The following DLGAP4 variants were observed in gnomAD, a reference collection of about 807,000 sequenced individuals.
DLGAP4 encodes DLG associated protein 4.
Under a neutral mutation model 86.9 loss-of-function variants are expected in DLGAP4, and 18 were observed. The observed-to-expected ratio is 0.21, with a 90% confidence interval of 0.14 to 0.31. The LOEUF is 0.31. DLGAP4 is among the 10% of genes least tolerant of loss of function. DLGAP4 has a pLI of 1.00. For synonymous variants in DLGAP4, 548 were observed against 574.3 expected (o/e 0.95, Z 0.65); for missense variants, 1,085 against 1,362.6 (o/e 0.80, Z 3.21).
At chr20:36,356,260 C>T (rs2147395992) in intron 1 of DLGAP4, among the ~76,000 whole-genome samples, 1 of 152,326 alleles carries the variant, frequency 6.6e-6, no homozygotes, top group African/African-American at 2.4e-5. Context: ...AATCAATTCA[C>T]TTTATCGTTA....
chr20:36,311,520 G>T (rs1027940175), intron 1 of DLGAP4, among the ~76,000 whole-genome samples: 25 of 152,144 alleles, frequency 1.6e-4, no homozygotes, highest in Non-Finnish European at 2.9e-4. Flanking sequence ...CCCTACTGAT[G>T]TTGACGATGA....
At chr20:36,422,240 C>T (rs1283314710) in intron 2 of DLGAP4, among the ~76,000 whole-genome samples, 2 of 152,186 alleles carry the variant, frequency 1.3e-5, no homozygotes, top group East Asian at 3.9e-4. Context: ...TGTACACCCC[C>T]AGAATGTTCG....
intron 1 of DLGAP4, among the ~76,000 whole-genome samples, chr20:36,362,417 G>A (rs886354316): frequency 2.6e-5 from 4 of 152,206 alleles, no homozygotes; most frequent in Non-Finnish European, 2.9e-5. Context: ...GGTCTCCAGG[G>A]AAGGTCACAG....
At chr20:36,464,579 C>T (rs1006829586) in intron 7 of DLGAP4, among the ~76,000 whole-genome samples, 3 of 151,782 alleles carry the variant, frequency 2.0e-5, no homozygotes, top group Admixed American at 1.3e-4. Context: ...ACCGGGCGCG[C>T]TGGCTCACGC....
At position 36,350,270 on chromosome 20, in the gene DLGAP4, T is replaced by C. The variant is rs1460028982; in HGVS notation, c.-303-16775T>C. Among the ~76,000 whole-genome samples the C allele has an allele frequency of 6.6e-6, 1 of 152,186 alleles. No homozygotes were observed. The highest frequency in any genetic ancestry group is 1.9e-4 in the East Asian group (1 of 5,198). On this transcript the variant is annotated intron_variant, in intron 1 of 12. Transcript: ENST00000339266. This position sits in a 1 kb window ranked among gnomAD's most constrained non-coding sequence, Gnocchi z 4.4. ...TCTTTGTGTGCTAGAGACAGTTTCC[T>C]TGTGGATATAGGGTAGCGGATGAGT...
chr20:36,466,199 A>G (rs2034344799), intron 7 of DLGAP4, among the ~76,000 whole-genome samples: 1 of 152,184 alleles, frequency 6.6e-6, no homozygotes, highest in South Asian at 2.1e-4. Context: ...GGAAAAGCTG[A>G]ACTGAGAGGA....
At chr20:36,437,967 G>A (rs2033334814) in intron 4 of DLGAP4, among the ~76,000 whole-genome samples, 1 of 152,186 alleles carries the variant, frequency 6.6e-6, no homozygotes, top group African/African-American at 2.4e-5. Context: ...GAGTGCAATA[G>A]TGCAATCATG....
chr20:36,499,219 T>C, intron 8 of DLGAP4: 1 of 1,596,220 alleles, frequency 6.3e-7, no homozygotes, highest in Non-Finnish European at 8.5e-7. Flanking sequence ...CCTTTTTTTT[T>C]TTTCTCTCTG....
intron 1 of DLGAP4, among the ~76,000 whole-genome samples, chr20:36,323,969 C>T (rs575013226): frequency 1.3e-5 from 2 of 152,326 alleles, no homozygotes; most frequent in East Asian, 3.9e-4. Flanking sequence ...GTCCATGGCC[C>T]AGGAATTGGG....
chr20:36,447,381 T>G (rs2033621027), intron 7 of DLGAP4, among the ~76,000 whole-genome samples: 1 of 152,196 alleles, frequency 6.6e-6, no homozygotes, highest in African/African-American at 2.4e-5. Flanking sequence ...TTTTACAGGC[T>G]TCTCTCATAT....
intron 1 of DLGAP4, among the ~76,000 whole-genome samples, chr20:36,349,350 G>A (rs923599003): frequency 4.6e-5 from 7 of 151,318 alleles, no homozygotes; most frequent in Middle Eastern, 3.2e-3. Context: ...CCCGGGAGGC[G>A]GAGCTTGCAG....
chr20:36,473,848 A>T (rs745990945), intron 7 of DLGAP4, among the ~76,000 whole-genome samples: 1 of 152,180 alleles, frequency 6.6e-6, no homozygotes, highest in African/African-American at 2.4e-5. Flanking sequence ...CCTACTGAGC[A>T]TACAGTAGGT....
At chr20:36,341,474 T>A (rs1344536112) in intron 1 of DLGAP4, among the ~76,000 whole-genome samples, 11 of 152,224 alleles carry the variant, frequency 7.2e-5, no homozygotes, top group African/African-American at 2.7e-4. Context: ...CTCACTGATA[T>A]GCACCGTGTG....
intron 2 of DLGAP4, among the ~76,000 whole-genome samples, chr20:36,427,093 A>C (rs1308025820): frequency 6.6e-6 from 1 of 151,990 alleles, no homozygotes; most frequent in Admixed American, 6.6e-5. Context: ...CTGATGTGGG[A>C]GGACATTTGA....
intron 10 of DLGAP4, among the ~76,000 whole-genome samples, chr20:36,503,581 A>C (rs1004249412): frequency 7.2e-6 from 1 of 137,938 alleles, no homozygotes; most frequent in Non-Finnish European, 1.5e-5. Context: ...TCCGCCTCCT[A>C]GGTTCACGCC....
intron 1 of DLGAP4, among the ~76,000 whole-genome samples, chr20:36,336,750 T>C (rs1882110664): frequency 1.3e-5 from 2 of 152,124 alleles, no homozygotes; most frequent in African/African-American, 4.8e-5. Context: ...TCCTCTGGTT[T>C]CCTTGGCTGC....
In DLGAP4 at chr20:36,500,137, T is replaced by C; in HGVS notation, c.2100-62T>C. ...GTGTCCGGGTCAAGGCGGCCTCTGG[T>C]CTCTGGCCCTCTTGGTGACTCACTC... On this transcript the variant is annotated intron_variant, in intron 9 of 12. Transcript: ENST00000339266. This position sits in a 1 kb window ranked among gnomAD's most constrained non-coding sequence, Gnocchi z 4.6. 1 of 1,495,118 alleles carries C rather than the reference T, an allele frequency of 6.7e-7. No individual in the cohort carries two copies. Among genetic ancestry groups the C allele is most frequent in the Non-Finnish European group, 8.9e-7 (1 of 1,117,724 alleles). 92.6% of individuals were successfully genotyped at this position (1,495,118 alleles called of 1,614,324 possible). A position where few individuals can be genotyped will look rare whatever the true frequency, so the allele number is the denominator to read the frequency against.
In DLGAP4 at chr20:36,407,697, G is replaced by A. The variant is rs145245827; in HGVS notation, c.-72-23949G>A. Among the ~76,000 whole-genome samples the A allele has an allele frequency of 1.4e-3, 206 of 152,250 alleles. 3 individuals are homozygous for A. In the South Asian group the frequency reaches 0.021, roughly 15 times the overall value. On this transcript the variant is annotated intron_variant, in intron 2 of 12. Coordinates refer to ENST00000339266, the MANE Select transcript of DLGAP4 (RefSeq NM_001365621.2). ...GAGCAGGTCAGGGAGGGCCTCTGGAGGAGATGGTGTGTGTGCTGGGCCTTG... is the reference window on the plus strand; with the variant it reads ...GAGCAGGTCAGGGAGGGCCTCTGGAAGAGATGGTGTGTGTGCTGGGCCTTG...
At chr20:36,390,576 G>C (rs534012622) in intron 2 of DLGAP4, among the ~76,000 whole-genome samples, 12 of 152,224 alleles carry the variant, frequency 7.9e-5, no homozygotes, top group Admixed American at 2.0e-4. Flanking sequence ...GAGTGGGGGG[G>C]CATGCCTCCA....
Sources: gnomAD v4.1 joint callset for allele counts (sites outside exome capture counted in the v4.1 genomes callset) on GRCh38, gnomAD v4.1.1 for gene constraint, Gnocchi (gnomAD v3.1) non-coding constraint, MANE v1.5 for transcripts, NCBI Gene and HGNC (gene_info 2026-07-23, HGNC 2026-07-21) for gene names.